Variants in TRHR observed in about 807,000 individuals in gnomAD.
The protein encoded by TRHR is thyrotropin releasing hormone receptor.
A neutral mutation model predicts 28.0 loss-of-function variants in TRHR; 14 were observed. The observed-to-expected ratio is 0.50, with a 90% CI of 0.33 to 0.78. The LOEUF (loss-of-function observed/expected upper bound fraction) is 0.78, where lower values mean the gene tolerates loss of function less well. Ranked by LOEUF, TRHR falls within the 30% of genes least tolerant of loss-of-function variation. The probability of loss-of-function intolerance (pLI) is 0.02; values close to 1 mark genes in which losing one functional copy is unlikely to be tolerated. For missense variants in TRHR, 438 were observed against 469.5 expected, an observed-to-expected ratio of 0.93 and a Z score of 0.62; for synonymous variants, 176 against 171.9, an observed-to-expected ratio of 1.02 and a Z score of -0.18.
chr8:109,095,916 G>A (rs762150910), intron 2 of TRHR, among the ~76,000 whole-genome samples: 2 of 151,302 alleles, frequency 1.3e-5, no homozygotes, highest in African/African-American at 4.9e-5. Flanking sequence ...CACTCGCACC[G>A]CTGCTGCCCT....
chr8:109,090,650 C>T (rs1356404045), intron 2 of TRHR, among the ~76,000 whole-genome samples: 1 of 152,122 alleles, frequency 6.6e-6, no homozygotes, highest in Admixed American at 6.6e-5. Context: ...AGGAAAATTA[C>T]TGGGCTACAG....
chr8:109,091,141 T>C (rs1388417090), intron 2 of TRHR, among the ~76,000 whole-genome samples: 2 of 152,020 alleles, frequency 1.3e-5, no homozygotes, highest in African/African-American at 4.8e-5. Context: ...AAAGACCACT[T>C]TGGAAGTTGT....
At chr8:109,103,289 C>T (rs993989883) in intron 2 of TRHR, among the ~76,000 whole-genome samples, 16 of 152,036 alleles carry the variant, frequency 1.1e-4, no homozygotes, top group Admixed American at 9.8e-4. Flanking sequence ...CCTCAAATAT[C>T]TTGGCTGTTT....
intron 2 of TRHR, among the ~76,000 whole-genome samples, chr8:109,115,203 T>C (rs1488745645): frequency 6.6e-6 from 1 of 152,098 alleles, no homozygotes; most frequent in Non-Finnish European, 1.5e-5. Flanking sequence ...TACCATGCTG[T>C]TTTGGTTACT....
At chr8:109,102,036 G>C (rs1329215543) in intron 2 of TRHR, among the ~76,000 whole-genome samples, 1 of 152,080 alleles carries the variant, frequency 6.6e-6, no homozygotes, top group East Asian at 1.9e-4. Context: ...TAAAGATAAG[G>C]ACTGAGAAGT....
Position 109,119,402 on chromosome 8 carries a change from G to A in TRHR, c.1144G>A (p.Val382Met), listed in dbSNP as rs377541177. Residue 382 changes from valine to methionine, a missense_variant, in exon 3 of 3, where the codon GTG becomes ATG. Transcript: ENST00000518632. ...VTDTYLSATK[V>M]SFDDTCLASE... ...TGACACTTACCTGTCTGCCACAAAAGTGTCTTTTGATGACACCTGCTTGGC... is the reference window on the plus strand; with the variant it reads ...TGACACTTACCTGTCTGCCACAAAAATGTCTTTTGATGACACCTGCTTGGC... The A allele has an allele frequency of 2.5e-6, 4 of 1,612,258 alleles. No individual in the cohort carries two copies. In the African/African-American group the frequency reaches 4.0e-5, roughly 16 times the overall value.
intron 2 of TRHR, among the ~76,000 whole-genome samples, chr8:109,097,288 G>A (rs1811608072): frequency 6.6e-6 from 1 of 152,122 alleles, no homozygotes; most frequent in African/African-American, 2.4e-5. Context: ...GCCCCTAGGT[G>A]ACTAATTTTC....
intron 2 of TRHR, among the ~76,000 whole-genome samples, chr8:109,116,783 C>A (rs1373713388): frequency 6.6e-6 from 1 of 151,960 alleles, no homozygotes; most frequent in African/African-American, 2.4e-5. Flanking sequence ...CTTTATGTCA[C>A]ATAGTGCACT....
intron 2 of TRHR, among the ~76,000 whole-genome samples, chr8:109,090,111 A>G (rs1035523686): frequency 6.6e-6 from 1 of 152,112 alleles, no homozygotes; most frequent in African/African-American, 2.4e-5. Flanking sequence ...TTCCATTCAA[A>G]CTCTATAAAC....
At chr8:109,117,088 T>C (rs771928573) in intron 2 of TRHR, among the ~76,000 whole-genome samples, 1 of 151,884 alleles carries the variant, frequency 6.6e-6, no homozygotes, top group African/African-American at 2.4e-5. Flanking sequence ...ATAAAGGTAG[T>C]TGAAATTCAA....
chr8:109,088,799 G>A (rs1455933828), intron 2 of TRHR, among the ~76,000 whole-genome samples: 1 of 152,136 alleles, frequency 6.6e-6, no homozygotes, highest in African/African-American at 2.4e-5. Flanking sequence ...ACCTGAGAAA[G>A]GTTCCTGGAC....
intron 2 of TRHR, among the ~76,000 whole-genome samples, chr8:109,101,235 G>A (rs994494429): frequency 5.3e-5 from 8 of 152,120 alleles, no homozygotes; most frequent in African/African-American, 1.2e-4. Context: ...AAGGTAAATA[G>A]CATTGAGGAT....
chr8:109,103,327 A>G (rs1013133736), intron 2 of TRHR, among the ~76,000 whole-genome samples: 4 of 152,138 alleles, frequency 2.6e-5, no homozygotes, highest in African/African-American at 9.7e-5. Context: ...AATTCTAGAA[A>G]CACATTTAGA....
chr8:109,103,865 C>A (rs1345487853), intron 2 of TRHR, among the ~76,000 whole-genome samples: 1 of 152,102 alleles, frequency 6.6e-6, no homozygotes, highest in African/African-American at 2.4e-5. Context: ...TTAAATCAGA[C>A]CAATGCCAAT....
chr8:109,093,118 G>GA (rs1451967747), intron 2 of TRHR, among the ~76,000 whole-genome samples: 3 of 151,928 alleles, frequency 2.0e-5, no homozygotes, highest in Non-Finnish European at 2.9e-5. Context: ...AATAAAACAG[G>GA]AAAAATAATG....
intron 2 of TRHR, among the ~76,000 whole-genome samples, chr8:109,112,860 G>A (rs891630688): frequency 2.0e-5 from 3 of 152,110 alleles, no homozygotes; most frequent in African/African-American, 7.2e-5. Flanking sequence ...TCTAAGCTCA[G>A]TTTTTACTTC....
At position 109,120,502 on chromosome 8, in the gene TRHR, A is replaced by G. The variant is rs1198467959; in HGVS notation, c.*1047A>G. On this transcript the variant is annotated 3_prime_UTR_variant, in exon 3 of 3. Coordinates refer to ENST00000518632, the MANE Select transcript of TRHR (RefSeq NM_003301.7). Reference sequence around the variant, plus strand: ...GAGCTCCCACTGAGAATTGTAGTCTATGGATTTTACCTTGACTGCAATTGT... The same window carrying G: ...GAGCTCCCACTGAGAATTGTAGTCTGTGGATTTTACCTTGACTGCAATTGT... 1.3e-5 allele frequency among the ~76,000 whole-genome samples: 2 copies of G among 151,680 alleles called. No homozygotes were observed. The highest frequency in any genetic ancestry group is 3.0e-5 in the Non-Finnish European group (2 of 67,792).
intron 2 of TRHR, among the ~76,000 whole-genome samples, chr8:109,114,245 C>T (rs1443688451): frequency 6.6e-6 from 1 of 152,102 alleles, no homozygotes; most frequent in Non-Finnish European, 1.5e-5. Context: ...CCCTCATGTT[C>T]TCACCTACCC....
intron 2 of TRHR, among the ~76,000 whole-genome samples, chr8:109,097,299 C>T (rs1811608404): frequency 6.6e-6 from 1 of 152,096 alleles, no homozygotes; most frequent in African/African-American, 2.4e-5. Flanking sequence ...ACTAATTTTC[C>T]TCAAACAGTT....
Sources: gnomAD v4.1 joint callset for allele counts (sites outside exome capture counted in the v4.1 genomes callset) on GRCh38, gnomAD v4.1.1 for gene constraint, MANE v1.5 for transcripts, NCBI Gene and HGNC (gene_info 2026-07-23, HGNC 2026-07-21) for gene names.